The following CCDC69 variants were observed in gnomAD, a reference collection of about 807,000 sequenced individuals.
CCDC69 encodes the protein coiled-coil domain-containing protein 69.
CCDC69 carries 38 observed loss-of-function variants against 40.3 expected under a neutral mutation model. That is an observed-to-expected ratio of 0.94 (90% CI 0.73 to 1.24). The LOEUF (loss-of-function observed/expected upper bound fraction) is 1.24. Ranked by LOEUF, CCDC69 falls within the 50% of genes most tolerant of loss-of-function variation. CCDC69 has a pLI of 0.00. For missense variants in CCDC69, 389 were observed against 357.9 expected (o/e 1.09, Z -0.70); for synonymous variants, 141 against 138.9 (o/e 1.02, Z -0.11).
intron 8 of CCDC69, 68 bp from the exon 9 acceptor site, chr5:151,183,682 C>A: frequency 7.0e-7 from 1 of 1,432,836 alleles, no homozygotes; most frequent in Middle Eastern, 2.5e-4. Context: ...ACCCATTCCC[C>A]CAGGAAGCCT....
intron 6 of CCDC69, among the ~76,000 whole-genome samples, 171 bp from the exon 7 acceptor site, chr5:151,185,712 T>C (rs1413688850): frequency 2.6e-5 from 4 of 152,224 alleles, no homozygotes; most frequent in African/African-American, 9.6e-5. Flanking sequence ...TTTTGAGACA[T>C]GTGCTAGCAC....
intron 5 of CCDC69, among the ~76,000 whole-genome samples, chr5:151,186,378 G>A (rs1397140084): frequency 1.4e-5 from 2 of 146,950 alleles, no homozygotes. Context: ...GGGAGGGGAG[G>A]GGAGGGGGAC....
chr5:151,187,446 T>C lies in CCDC69; in HGVS notation c.333A>G (p.Ser111=). 2.5e-6 allele frequency: 4 copies of C among 1,613,960 alleles called. No individual in the cohort carries two copies. The Admixed American group carries it at 5.0e-5, about 20-fold the overall frequency. ...TAAGCGCTTCTTTCTCCTGTTCATA[T>C]GAGGCCCGGAGGACTGTAGGGAAAG... ...NEEALQVLRA[S]YEQEKEALTH... The change falls in exon 5 of 9, where the codon TCA becomes TCG. Residue 111 remains serine (S), a synonymous_variant. Transcript: ENST00000355417.
chr5:151,204,428 G>A (rs1455509525), intron 2 of CCDC69, among the ~76,000 whole-genome samples: 1 of 152,176 alleles, frequency 6.6e-6, no homozygotes. Context: ...ACAGCCTCTA[G>A]GCTGTAACTA....
chr5:151,185,522 T>C lies in CCDC69; in HGVS notation c.515A>G (p.Gln172Arg), dbSNP rs1582038028. The change falls in exon 7 of 9, where the codon CAG becomes CGG. Residue 172 changes from glutamine (Q) to arginine (R), a missense_variant. Coordinates refer to ENST00000355417, the MANE Select transcript of CCDC69 (RefSeq NM_015621.3). ...GCTCTCCAGCTCCTGCTCCCAGAACTGGCTGGGGCTCCCATAATCCTAGAC... is the reference window on the plus strand; with the variant it reads ...GCTCTCCAGCTCCTGCTCCCAGAACCGGCTGGGGCTCCCATAATCCTAGAC... Reference protein sequence around the residue: ...KHIQDYGSPSQFWEQELESLH... With the variant: ...KHIQDYGSPSRFWEQELESLH... The C allele has an allele frequency of 6.2e-7, 1 of 1,613,934 alleles. No homozygotes were observed. Among genetic ancestry groups the C allele is most frequent in the Non-Finnish European group, 8.5e-7 (1 of 1,179,960 alleles).
chr5:151,185,419 G>T lies in CCDC69; in HGVS notation c.615+3C>A. ...CATCCCCCAGCCACTCCCAGTCACA[G>T]ACCACTGTTTCCATGAGGATCAGCC... On this transcript the variant is annotated splice_donor_region_variant and intron_variant, in intron 7 of 8. Transcript: ENST00000355417. 1.2e-6 allele frequency: 2 copies of T among 1,613,770 alleles called. No individual in the cohort carries two copies. Among genetic ancestry groups the T allele is most frequent in the South Asian group, 1.1e-5 (1 of 91,034 alleles).
intron 8 of CCDC69, 132 bp from the exon 9 acceptor site, chr5:151,183,746 C>T (rs1339610365): frequency 9.3e-6 from 7 of 753,802 alleles, no homozygotes; most frequent in South Asian, 5.6e-5. Context: ...TCCTTGTTGG[C>T]CTGTATACAA....
intron 2 of CCDC69, among the ~76,000 whole-genome samples, chr5:151,204,819 T>C (rs1318275094): frequency 2.0e-5 from 3 of 152,180 alleles, no homozygotes; most frequent in Non-Finnish European, 4.4e-5. Flanking sequence ...CCATTACAAA[T>C]TAAAATTGAT....
chr5:151,222,205 T>C (rs536850321), intron 1 of CCDC69, among the ~76,000 whole-genome samples: 1 of 152,356 alleles, frequency 6.6e-6, no homozygotes, highest in African/African-American at 2.4e-5. Flanking sequence ...TAACCTCCTA[T>C]CTGTATAGTG....
At chr5:151,194,220 G>GA (rs756159029) in intron 4 of CCDC69, among the ~76,000 whole-genome samples, 1 of 152,148 alleles carries the variant, frequency 6.6e-6, no homozygotes, top group Non-Finnish European at 1.5e-5. Context: ...CAAGATAAAT[G>GA]AAAACCTATG....
At chr5:151,208,510 C>A (rs576207361) in intron 1 of CCDC69, among the ~76,000 whole-genome samples, 1 of 152,322 alleles carries the variant, frequency 6.6e-6, no homozygotes, top group Admixed American at 6.5e-5. Context: ...GGTCCTCGTG[C>A]CCCAAATCTG....
chr5:151,186,260 TCAA>T lies in CCDC69; in HGVS notation c.394-139_394-137del. The T allele has an allele frequency of 1.0e-5, 7 of 672,712 alleles. No homozygotes were observed. The East Asian group carries it at 1.3e-4, about 12-fold the overall frequency. 41.7% of individuals were successfully genotyped at this position (672,712 alleles called of 1,614,324 possible). A position where few individuals can be genotyped will look rare whatever the true frequency, so the allele number is the denominator to read the frequency against. On this transcript the variant is annotated intron_variant, in intron 5 of 8. Transcript: ENST00000355417. ...GGCTACTCTACATGACAATGCAACA[TCAA>T]CATACTTCGACCACTGCTTGAGATC...
intron 4 of CCDC69, 40 bp downstream of exon 4, chr5:151,198,957 C>T (rs1309983697): frequency 1.3e-6 from 2 of 1,504,480 alleles, no homozygotes; most frequent in Non-Finnish European, 1.9e-6. Context: ...GAAGGAAGCA[C>T]CCCCCACCAC....
intron 1 of CCDC69, among the ~76,000 whole-genome samples, chr5:151,216,333 C>T (rs1753039644): frequency 6.6e-6 from 1 of 151,822 alleles, no homozygotes; most frequent in Non-Finnish European, 1.5e-5. Context: ...GTTGTCATCT[C>T]CAGAGAATGG....
At chr5:151,212,621 A>G in intron 1 of CCDC69, 1 of 369,314 alleles carries the variant, frequency 2.7e-6, no homozygotes, top group Non-Finnish European at 5.4e-6. Context: ...AAACTGACAC[A>G]CTGGAAGACG....
intron 4 of CCDC69, among the ~76,000 whole-genome samples, chr5:151,196,521 G>GA (rs1752702690): frequency 6.6e-6 from 1 of 152,022 alleles, no homozygotes; most frequent in South Asian, 2.1e-4. Flanking sequence ...ATGATGAAAG[G>GA]AAAAATCAGT....
rs191625009 is a variant in CCDC69 at position 151,206,560 on chromosome 5, A to T, written c.49-1085T>A. Reference sequence around the variant, plus strand: ...CAGATTTCATAAATGAGTAATTTTTAAAAAATTTAATTAATTAACTAATTA... The same window carrying T: ...CAGATTTCATAAATGAGTAATTTTTTAAAAATTTAATTAATTAACTAATTA... On this transcript the variant is annotated intron_variant, in intron 1 of 8. Coordinates refer to ENST00000355417, the MANE Select transcript of CCDC69 (RefSeq NM_015621.3). Among the ~76,000 whole-genome samples, 462 of 152,332 alleles carry T rather than the reference A, an allele frequency of 3.0e-3. 4 individuals carry two copies. Among genetic ancestry groups the T allele is most frequent in the African/African-American group, 9.9e-3 (411 of 41,562 alleles).
intron 4 of CCDC69, 44 bp from the exon 5 acceptor site, chr5:151,187,503 C>T: frequency 6.6e-7 from 1 of 1,512,558 alleles, no homozygotes; most frequent in Non-Finnish European, 9.0e-7. Context: ...CACTTCTCCC[C>T]AAAGCCTTCT....
At chr5:151,210,024 A>G (rs1028670422) in intron 1 of CCDC69, among the ~76,000 whole-genome samples, 4 of 152,252 alleles carry the variant, frequency 2.6e-5, no homozygotes, top group Admixed American at 6.5e-5. Context: ...ACCTGGTGGC[A>G]TATATTGTTC....
Sources: gnomAD v4.1 joint callset for allele counts (sites outside exome capture counted in the v4.1 genomes callset) on GRCh38, gnomAD v4.1.1 for gene constraint, MANE v1.5 for transcripts, NCBI Gene and HGNC (gene_info 2026-07-23, HGNC 2026-07-21) for gene names.